The following MLIP variants were observed in gnomAD, a reference collection of about 807,000 sequenced individuals.
MLIP encodes the protein muscular LMNA-interacting protein.
A neutral mutation model predicts 84.8 loss-of-function variants in MLIP; 79 were observed. The ratio of observed to expected loss-of-function variants is 0.93; its 90% confidence interval spans 0.78 to 1.12. The LOEUF is 1.12. MLIP is among the 50% of genes most tolerant of loss of function. MLIP has a pLI of 0.00. For synonymous variants in MLIP, 504 were observed against 463.0 expected (o/e 1.09, Z -1.14); for missense variants, 1,257 against 1,160.6 (o/e 1.08, Z -1.21).
intron 9 of MLIP, among the ~76,000 whole-genome samples, chr6:54,181,371 G>A (rs559159819): frequency 2.0e-5 from 3 of 148,684 alleles, no homozygotes; most frequent in Admixed American, 1.4e-4. Flanking sequence ...TTTAGTCAGC[G>A]TGTGGGAAAT....
intron 11 of MLIP, among the ~76,000 whole-genome samples, chr6:54,210,081 T>C (rs1224082762): frequency 1.3e-5 from 2 of 152,278 alleles, no homozygotes; most frequent in Non-Finnish European, 2.9e-5. Flanking sequence ...TTAATTTAGC[T>C]TCAATAATTG....
At chr6:54,096,516 C>CT (rs1768224814) in intron 1 of MLIP, among the ~76,000 whole-genome samples, 1 of 152,040 alleles carries the variant, frequency 6.6e-6, no homozygotes, top group Non-Finnish European at 1.5e-5. Context: ...AGTGTACCTT[C>CT]TCGGGGAAGC....
intron 1 of MLIP, among the ~76,000 whole-genome samples, chr6:54,021,077 T>C (rs1389491381): frequency 6.6e-6 from 1 of 152,214 alleles, no homozygotes; most frequent in East Asian, 1.9e-4. Flanking sequence ...TAAAAGTTAT[T>C]TTGGCTGTTT....
intron 1 of MLIP, among the ~76,000 whole-genome samples, chr6:54,052,258 G>GCTATAGGACAA (rs1408144283): frequency 1.3e-5 from 2 of 152,076 alleles, no homozygotes; most frequent in East Asian, 3.9e-4. Context: ...TACCTGGATG[G>GCTATAGGACAA]CTATAGGACA....
At chr6:54,197,188 G>T (rs1778357640) in intron 10 of MLIP, among the ~76,000 whole-genome samples, 1 of 152,062 alleles carries the variant, frequency 6.6e-6, no homozygotes. Context: ...CCAGGGCTTT[G>T]AACTTTACTC....
intron 12 of MLIP, among the ~76,000 whole-genome samples, chr6:54,244,136 A>T (rs529353973): frequency 6.6e-6 from 1 of 152,264 alleles, no homozygotes; most frequent in South Asian, 2.1e-4. Flanking sequence ...CCTCTTCATT[A>T]ATAATGTTTA....
chr6:54,253,762 C>A (rs905592910), intron 12 of MLIP, among the ~76,000 whole-genome samples: 5 of 151,966 alleles, frequency 3.3e-5, no homozygotes, highest in African/African-American at 9.7e-5. Flanking sequence ...CAGCTGTGAC[C>A]AAAAGTGTAA....
chr6:54,236,614 A>T (rs865939588), intron 12 of MLIP, among the ~76,000 whole-genome samples: 1,538 of 151,456 alleles, frequency 0.01, 29 homozygotes, highest in African/African-American at 0.036. Context: ...AAGAAAAAAA[A>T]AAATTGTCCT....
intron 12 of MLIP, among the ~76,000 whole-genome samples, chr6:54,256,668 A>G (rs958357055): frequency 2.6e-5 from 4 of 152,024 alleles, no homozygotes; most frequent in African/African-American, 7.2e-5. Context: ...TGTAGCTCTC[A>G]GAAGACCCAC....
At chr6:54,111,401 G>A, upstream of MLIP, 1 of 1,472,174 alleles carries the variant, frequency 6.8e-7, no homozygotes, top group Non-Finnish European at 9.0e-7. Context: ...TTCTGCGTGA[G>A]TGTGTGTGTG....
intron 11 of MLIP, chr6:54,217,879 T>G (rs185510953): frequency 1.0e-6 from 1 of 985,390 alleles, no homozygotes; most frequent in Admixed American, 6.1e-5. Context: ...ATGTTCATTT[T>G]CAAGAATCAT....
At chr6:54,265,722 C>T (rs575985935) in intron 13 of MLIP, among the ~76,000 whole-genome samples, 2 of 152,148 alleles carry the variant, frequency 1.3e-5, no homozygotes, top group East Asian at 1.9e-4. Context: ...TGCTGAACTG[C>T]CAAGAGATTG....
chr6:54,022,724 C>G (rs1226272040), intron 1 of MLIP, among the ~76,000 whole-genome samples: 1 of 152,012 alleles, frequency 6.6e-6, no homozygotes, highest in Non-Finnish European at 1.5e-5. Context: ...TCATGTACCT[C>G]AGGGCATTCT....
intron 9 of MLIP, among the ~76,000 whole-genome samples, chr6:54,175,153 C>G: frequency 6.6e-6 from 1 of 151,768 alleles, no homozygotes; most frequent in African/African-American, 2.4e-5. Context: ...TACTATAGCT[C>G]TGTAGCAGAA....
chr6:54,228,214 A>G (rs1396786147), intron 11 of MLIP, among the ~76,000 whole-genome samples: 33 of 136,864 alleles, frequency 2.4e-4, no homozygotes, highest in Non-Finnish European at 4.2e-4. Context: ...AAAAAAAAAA[A>G]GAGAAAGAAA....
At chr6:54,097,986 A>G (rs1768335939) in intron 1 of MLIP, among the ~76,000 whole-genome samples, 1 of 152,100 alleles carries the variant, frequency 6.6e-6, no homozygotes. Context: ...GCGGGAGCTC[A>G]GGAGAGAGCA....
At chr6:54,234,846 T>C (rs1781256596) in intron 12 of MLIP, among the ~76,000 whole-genome samples, 1 of 152,220 alleles carries the variant, frequency 6.6e-6, no homozygotes, top group Non-Finnish European at 1.5e-5. Context: ...CTTGCTCCTC[T>C]ACCTCTTCTT....
chr6:54,233,962 T>C (rs1183653096), intron 12 of MLIP, among the ~76,000 whole-genome samples: 5 of 152,220 alleles, frequency 3.3e-5, no homozygotes, highest in African/African-American at 1.2e-4. Context: ...GATGAGCTTT[T>C]CTTCATATGT....
intron 12 of MLIP, among the ~76,000 whole-genome samples, chr6:54,234,453 A>T (rs1781229018): frequency 6.6e-6 from 1 of 152,160 alleles, no homozygotes; most frequent in African/African-American, 2.4e-5. Flanking sequence ...ATTCTTCTCC[A>T]TTGGATTCCT....
Sources: gnomAD v4.1 joint callset for allele counts (sites outside exome capture counted in the v4.1 genomes callset) on GRCh38, gnomAD v4.1.1 for gene constraint, MANE v1.5 for transcripts, NCBI Gene and HGNC (gene_info 2026-07-23, HGNC 2026-07-21) for gene names.